CCDC122: variants seen among roughly 807,000 people sequenced by gnomAD.
CCDC122 encodes the protein coiled-coil domain containing 122.
CCDC122 carries 38 observed loss-of-function variants against 37.0 expected under a neutral mutation model. The observed-to-expected ratio is 1.03, with a 90% confidence interval of 0.79 to 1.35. The LOEUF (loss-of-function observed/expected upper bound fraction) is 1.35. Ranked by LOEUF, CCDC122 falls within the 40% of genes most tolerant of loss-of-function variation. CCDC122 has a pLI of 0.00. For synonymous variants in CCDC122, 83 were observed against 95.6 expected (o/e 0.87, Z 0.77); for missense variants, 305 against 310.0 (o/e 0.98, Z 0.12).
chr13:43,848,351 A>G (rs1044592055), intron 6 of CCDC122, among the ~76,000 whole-genome samples: 1 of 152,116 alleles, frequency 6.6e-6, no homozygotes, highest in Non-Finnish European at 1.5e-5. Flanking sequence ...AGCATTCATC[A>G]TTTGCTAAAA....
intron 5 of CCDC122, 80 bp from the exon 6 acceptor site, chr13:43,858,977 T>C (rs1954019764): frequency 1.7e-6 from 2 of 1,161,094 alleles, no homozygotes; most frequent in East Asian, 3.5e-5. Flanking sequence ...GTTTCTATAA[T>C]TTAAGAAAAC....
In CCDC122 at chr13:43,836,994, T is replaced by TTCATGAGTA; in HGVS notation, c.*277_*285dup. 1 of 259,696 alleles carries TTCATGAGTA rather than the reference T, an allele frequency of 3.9e-6. No individual in the cohort carries two copies. Among genetic ancestry groups the TTCATGAGTA allele is most frequent in the Non-Finnish European group, 7.2e-6 (1 of 138,932 alleles). The allele number at this position is 259,696 out of a possible 1,614,324, so 16.1% of individuals were successfully genotyped here. A position where few individuals can be genotyped will look rare whatever the true frequency, so the allele number is the denominator to read the frequency against. On this transcript the variant is annotated 3_prime_UTR_variant, in exon 7 of 7. Coordinates refer to ENST00000444614, the MANE Select transcript of CCDC122 (RefSeq NM_144974.5). The stretch of plus-strand genomic sequence containing the variant: ...GTAGTGAATGCAACATAAACAGGTA[T>TTCATGAGTA]TCATGAGTATAATACATTTTACACA...
chr13:43,825,508 G>C (rs550190222), intron 3 of CCDC122, among the ~76,000 whole-genome samples: 1 of 151,992 alleles, frequency 6.6e-6, no homozygotes, highest in Non-Finnish European at 1.5e-5. Context: ...GGTGGCTCAC[G>C]CCTATAATCC....
chr13:43,863,816 C>T (rs1309008660), intron 4 of CCDC122, among the ~76,000 whole-genome samples: 1 of 152,062 alleles, frequency 6.6e-6, no homozygotes, highest in Non-Finnish European at 1.5e-5. Context: ...ACCAAGAATA[C>T]CTTAGTTTGT....
At chr13:43,873,443 T>A (rs542016457) in intron 2 of CCDC122, among the ~76,000 whole-genome samples, 2 of 152,322 alleles carry the variant, frequency 1.3e-5, no homozygotes, top group Admixed American at 6.5e-5. Context: ...AGTTCATTTT[T>A]CTTGTTGTTC....
intron 2 of CCDC122, 112 bp from the exon 3 acceptor site, chr13:43,869,601 T>G (rs915339457): frequency 2.1e-6 from 1 of 476,770 alleles, no homozygotes; most frequent in Non-Finnish European, 3.7e-6. Flanking sequence ...AAAGTAGAAC[T>G]GCATTTGTAT....
intron 1 of CCDC122, among the ~76,000 whole-genome samples, chr13:43,875,170 G>C (rs1200371539): frequency 1.3e-5 from 2 of 152,170 alleles, no homozygotes; most frequent in African/African-American, 4.8e-5. Context: ...GTTTCGAAAA[G>C]ATTTCTACCT....
At chr13:43,870,793 T>C (rs1954422993) in intron 2 of CCDC122, among the ~76,000 whole-genome samples, 1 of 152,108 alleles carries the variant, frequency 6.6e-6, no homozygotes, top group Admixed American at 6.6e-5. Context: ...GTGATTTGAA[T>C]TCAAGTATTT....
At chr13:43,825,129 T>C (rs944869299) in intron 3 of CCDC122, among the ~76,000 whole-genome samples, 5 of 152,170 alleles carry the variant, frequency 3.3e-5, no homozygotes, top group African/African-American at 1.2e-4. Flanking sequence ...CTATTCGCAA[T>C]AGCAAAGACA....
chr13:43,857,677 C>A (rs879648977), intron 6 of CCDC122, among the ~76,000 whole-genome samples: 1 of 151,840 alleles, frequency 6.6e-6, no homozygotes, highest in Non-Finnish European at 1.5e-5. Flanking sequence ...CCGAGGCAGG[C>A]GGATCACCTG....
chr13:43,848,800 A>G (rs1246747082), intron 6 of CCDC122: 2 of 828,606 alleles, frequency 2.4e-6, no homozygotes, highest in African/African-American at 1.8e-5. Flanking sequence ...AATATTTAAA[A>G]TAATTAGAAC....
chr13:43,855,769 A>C (rs990437656), intron 6 of CCDC122: 4 of 152,224 alleles, frequency 2.6e-5, no homozygotes, highest in Non-Finnish European at 5.9e-5. Context: ...GTGGGAGTGT[A>C]AATTAGTTCA....
intron 6 of CCDC122, chr13:43,855,752 A>C (rs1953888773): frequency 6.6e-6 from 1 of 152,184 alleles, no homozygotes; most frequent in South Asian, 2.1e-4. Flanking sequence ...CTTATTATAC[A>C]CTGTTGGTGG....
chr13:43,851,469 C>T (rs974499358), intron 6 of CCDC122, among the ~76,000 whole-genome samples: 5 of 152,170 alleles, frequency 3.3e-5, no homozygotes, highest in South Asian at 2.1e-4. Context: ...TGAGCCAACA[C>T]CACCACCAGC....
At chr13:43,866,062 A>G (rs78547569) in intron 4 of CCDC122, among the ~76,000 whole-genome samples, 1,614 of 152,328 alleles carry the variant, frequency 0.011, 12 homozygotes, top group Non-Finnish European at 0.018. Flanking sequence ...GGTAGCTCAT[A>G]TGGCATAGAT....
intron 6 of CCDC122, chr13:43,854,657 G>C (rs2218497): frequency 1.3e-5 from 2 of 151,776 alleles, no homozygotes; most frequent in East Asian, 1.9e-4. Context: ...ACCAAAACCC[G>C]AAAGAGACAT....
intron 6 of CCDC122, among the ~76,000 whole-genome samples, chr13:43,841,969 AGT>A (rs1953369724): frequency 6.6e-6 from 1 of 152,200 alleles, no homozygotes; most frequent in East Asian, 1.9e-4. Context: ...GGCCTCCCAA[AGT>A]GCTGGGATTA....
intron 4 of CCDC122, among the ~76,000 whole-genome samples, chr13:43,868,490 G>T (rs1289567670): frequency 1.3e-5 from 2 of 152,060 alleles, no homozygotes; most frequent in Non-Finnish European, 2.9e-5. Flanking sequence ...CAGTTGCAAT[G>T]ACATTGTTGA....
At chr13:43,878,536 T>C (rs1954736889) in intron 1 of CCDC122, among the ~76,000 whole-genome samples, 1 of 152,146 alleles carries the variant, frequency 6.6e-6, no homozygotes, top group Admixed American at 6.5e-5. Context: ...AAAGGTTCTT[T>C]AGCGCCTACC....
Sources: gnomAD v4.1 joint callset for allele counts (sites outside exome capture counted in the v4.1 genomes callset) on GRCh38, gnomAD v4.1.1 for gene constraint, MANE v1.5 for transcripts, NCBI Gene and HGNC (gene_info 2026-07-23, HGNC 2026-07-21) for gene names.